CFI: variants seen among roughly 807,000 people sequenced by gnomAD.
CFI encodes complement factor I, also known as C3B/C4B inactivator.
In CFI, 66 loss-of-function variants were observed where a neutral mutation model predicts 78.8. The observed-to-expected ratio is 0.84, with a 90% CI of 0.69 to 1.03. The LOEUF (loss-of-function observed/expected upper bound fraction) is 1.03. CFI is among the 50% of genes least tolerant of loss of function. CFI has a pLI of 0.00. For missense variants in CFI, 706 were observed against 704.5 expected (o/e 1.00, Z -0.02); for synonymous variants, 250 against 232.6 (o/e 1.07, Z -0.68).
intron 11 of CFI, 92 bp downstream of exon 11, chr4:109,746,130 T>C: frequency 7.0e-7 from 1 of 1,426,588 alleles, no homozygotes; most frequent in Non-Finnish European, 9.8e-7. Flanking sequence ...GTTATGCTTC[T>C]CTCTGAGTGC....
Position 109,787,663 on chromosome 4 carries a change from T to C in CFI, c.57+14252A>G, listed in dbSNP as rs553972325. On this transcript the variant is annotated intron_variant, in intron 1 of 12. Transcript: ENST00000394634. ...AGAATCAGAATGTTGTTGGGAATTG[T>C]GGGAAGATGACTGTATGCTGTGGTC... Among the ~76,000 whole-genome samples, 11 of 152,082 alleles carry C rather than the reference T, an allele frequency of 7.2e-5. No individual in the cohort carries two copies. The East Asian group carries it at 1.7e-3, about 24-fold the overall frequency.
At chr4:109,785,302 T>A (rs886964416) in intron 1 of CFI, among the ~76,000 whole-genome samples, 7 of 152,190 alleles carry the variant, frequency 4.6e-5, no homozygotes, top group South Asian at 4.1e-4. Context: ...AAGTGAAAAA[T>A]TTTAAAAATA....
intron 1 of CFI, among the ~76,000 whole-genome samples, chr4:109,774,434 G>A (rs7659870): frequency 0.24 from 35,811 of 152,066 alleles, 4,954 homozygotes; most frequent in Admixed American, 0.35. Flanking sequence ...TAGGGGTGAT[G>A]TATCATGGTC....
intron 1 of CFI, among the ~76,000 whole-genome samples, chr4:109,771,127 C>T (rs1188097823): frequency 6.6e-6 from 1 of 152,082 alleles, no homozygotes; most frequent in Non-Finnish European, 1.5e-5. Context: ...CGCAGTGGCT[C>T]ATTCCTGTAA....
intron 1 of CFI, among the ~76,000 whole-genome samples, chr4:109,770,884 T>A (rs931556917): frequency 6.6e-6 from 1 of 152,152 alleles, no homozygotes; most frequent in Admixed American, 6.5e-5. Flanking sequence ...GGGGACCTAG[T>A]ACCTCTGAAG....
intron 1 of CFI, among the ~76,000 whole-genome samples, chr4:109,790,633 C>G (rs891713370): frequency 6.6e-6 from 1 of 152,068 alleles, no homozygotes; most frequent in African/African-American, 2.4e-5. Context: ...ATAGGCCCCT[C>G]TATGTGTCTA....
intron 1 of CFI, among the ~76,000 whole-genome samples, chr4:109,797,908 CT>C (rs1452679838): frequency 2.0e-5 from 3 of 152,054 alleles, no homozygotes; most frequent in Non-Finnish European, 4.4e-5. Context: ...ACAAATGTAG[CT>C]GAGGATATGC....
intron 1 of CFI, among the ~76,000 whole-genome samples, chr4:109,767,329 T>A (rs1727902657): frequency 6.6e-6 from 1 of 151,924 alleles, no homozygotes; most frequent in African/African-American, 2.4e-5. Flanking sequence ...GAAACCACCA[T>A]CAGAGTGAAT....
At position 109,786,277 on chromosome 4, in the gene CFI, C is replaced by T. The variant is rs186847229; in HGVS notation, c.57+15638G>A. Among the ~76,000 whole-genome samples, 41 of 152,162 alleles carry T rather than the reference C, an allele frequency of 2.7e-4. No individual in the cohort carries two copies. In the East Asian group the frequency reaches 7.0e-3, roughly 26 times the overall value. The stretch of plus-strand genomic sequence containing the variant: ...AACTCCTGACCTCCATTAATCCACT[C>T]GCCTCAGCCTCCCAAAATGCTGGGA... On this transcript the variant is annotated intron_variant, in intron 1 of 12. Coordinates refer to ENST00000394634, the MANE Select transcript of CFI (RefSeq NM_000204.5).
At chr4:109,748,105 A>T (rs4698784) in intron 10 of CFI, among the ~76,000 whole-genome samples, 82,339 of 151,936 alleles carry the variant, frequency 0.54, 24,760 homozygotes, top group Non-Finnish European at 0.68. Context: ...TTATCTTTAC[A>T]TAAGGGTGAT....
downstream of CFI, among the ~76,000 whole-genome samples, chr4:109,740,265 A>T (rs975990201): frequency 5.3e-5 from 8 of 152,088 alleles, no homozygotes; most frequent in Non-Finnish European, 1.2e-4. Context: ...CAGTCCATCC[A>T]GGGCAACAGA....
intron 1 of CFI, among the ~76,000 whole-genome samples, chr4:109,771,947 G>A (rs1422599635): frequency 6.6e-6 from 1 of 152,098 alleles, no homozygotes; most frequent in Non-Finnish European, 1.5e-5. Context: ...GTTGAAACAA[G>A]GTTGAGGAGG....
intron 1 of CFI, among the ~76,000 whole-genome samples, chr4:109,780,569 C>A (rs1435438735): frequency 1.3e-5 from 2 of 152,168 alleles, no homozygotes; most frequent in Non-Finnish European, 2.9e-5. Context: ...GTAGTTCAAC[C>A]ATTGTGGAAG....
chr4:109,753,155 T>A (rs1287731222), intron 7 of CFI, among the ~76,000 whole-genome samples: 1 of 69,598 alleles, frequency 1.4e-5, no homozygotes, highest in Non-Finnish European at 2.5e-5. Context: ...ATATATTTAT[T>A]ATATAAATAA....
At chr4:109,734,247 A>C in the CFI span, among the ~76,000 whole-genome samples, 1 of 152,198 alleles carries the variant, frequency 6.6e-6, no homozygotes, top group African/African-American at 2.4e-5. Context: ...AAGCAGAGCA[A>C]GGTCTAAGTC....
intron 10 of CFI, among the ~76,000 whole-genome samples, chr4:109,746,818 T>C (rs534882577): frequency 6.6e-6 from 1 of 152,282 alleles, no homozygotes; most frequent in South Asian, 2.1e-4. Flanking sequence ...TGCAGGTGTT[T>C]AAGCAGAGAC....
intron 6 of CFI, 160 bp downstream of exon 6, chr4:109,760,110 T>TA: frequency 1.4e-6 from 1 of 705,066 alleles, no homozygotes; most frequent in Non-Finnish European, 2.6e-6. Flanking sequence ...CGGATGAAAA[T>TA]ATGAGGAGAT....
Position 109,761,580 on chromosome 4 carries a change from T to TA in CFI, c.594dup (p.Thr199TyrfsTer2), listed in dbSNP as rs1427716456. The TA allele has an allele frequency of 6.2e-7, 1 of 1,614,014 alleles. No individual in the cohort carries two copies. The highest frequency in any genetic ancestry group is 1.3e-5 in the African/African-American group (1 of 74,932). Reference sequence around the variant, plus strand: ...TGGTAACCCATAGTTCTTCTCTTAGTAAAAGTACATTCAGCCAAACTGGTC... The same window carrying TA: ...TGGTAACCCATAGTTCTTCTCTTAGTAAAAAGTACATTCAGCCAAACTGGTC... On this transcript the variant is annotated frameshift_variant, in exon 4 of 13. Coordinates refer to ENST00000394634, the MANE Select transcript of CFI (RefSeq NM_000204.5). LOFTEE classifies it high-confidence loss of function.
chr4:109,783,289 G>A (rs1719944063), intron 1 of CFI, among the ~76,000 whole-genome samples: 1 of 152,006 alleles, frequency 6.6e-6, no homozygotes, highest in African/African-American at 2.4e-5. Context: ...TCTGAAAAAA[G>A]ACTAACATCC....
Sources: allele counts gnomAD v4.1 joint callset (sites outside exome capture counted in the v4.1 genomes callset), GRCh38; gene constraint gnomAD v4.1.1; transcripts MANE v1.5; gene names NCBI Gene and HGNC (gene_info 2026-07-23, HGNC 2026-07-21).